WIPF3: variants seen among roughly 807,000 people sequenced by gnomAD.
WIPF3 encodes the protein WAS/WASL-interacting protein family member 3.
WIPF3 carries 33 observed loss-of-function variants against 38.9 expected under a neutral mutation model. That is an observed-to-expected ratio of 0.85 (90% confidence interval 0.64 to 1.14). The LOEUF (loss-of-function observed/expected upper bound fraction) is 1.14. Among genes scored for constraint, WIPF3 ranks in the 50% most tolerant of loss-of-function variants. The pLI, the probability that WIPF3 is intolerant of heterozygous loss-of-function variation, is 0.00. For missense variants in WIPF3, 711 were observed against 652.5 expected (o/e 1.09, Z -0.98); for synonymous variants, 324 against 269.3 (o/e 1.20, Z -1.99).
rs945400373 is a variant in WIPF3, at chr7:29,879,039, G to T, written c.254G>T (p.Gly85Val). Residue 85 changes from glycine (G) to valine (V), a missense_variant, in exon 4 of 9, where the codon GGT (glycine) becomes GTT (valine). Transcript: ENST00000242140. ...AAAGGAACCAACAAAGAAGGAGGAG[G>T]TTCTGCAAACACACGAGGCGCGAGC... ...SSKGTNKEGG[G>V]SANTRGASTP... The T allele has an allele frequency of 3.7e-6, 6 of 1,603,300 alleles. No individual in the cohort carries two copies. Among genetic ancestry groups the T allele is most frequent in the Admixed American group, 1.7e-5 (1 of 58,652 alleles).
chr7:29,914,449 A>G, intron 8 of WIPF3, 44 bp from the exon 9 acceptor site: 1 of 1,448,642 alleles, frequency 6.9e-7, no homozygotes, highest in Non-Finnish European at 9.2e-7. Flanking sequence ...CATGTGCAAG[A>G]GTCTTCTAAC....
At chr7:29,890,354 C>CAAAAAA (rs753546656) in intron 7 of WIPF3, among the ~76,000 whole-genome samples, 1 of 50,666 alleles carries the variant, frequency 2.0e-5, no homozygotes, top group African/African-American at 6.4e-5. Flanking sequence ...TCTGTATCCA[C>CAAAAAA]AAAAAAAAAA....
chr7:29,831,497 A>T (rs1472311145), intron 1 of WIPF3, among the ~76,000 whole-genome samples: 1 of 152,274 alleles, frequency 6.6e-6, no homozygotes, highest in Non-Finnish European at 1.5e-5. Context: ...AAAAGTAATC[A>T]TCACGCTCTG....
At chr7:29,882,242 A>G (rs747610235) in intron 4 of WIPF3, among the ~76,000 whole-genome samples, 6 of 152,332 alleles carry the variant, frequency 3.9e-5, no homozygotes, top group Middle Eastern at 3.4e-3. Flanking sequence ...ATTTAAGGGT[A>G]GGCTTTGCTC....
chr7:29,883,366 A>G (rs1451316721), intron 4 of WIPF3, among the ~76,000 whole-genome samples: 1 of 152,220 alleles, frequency 6.6e-6, no homozygotes, highest in Non-Finnish European at 1.5e-5. Flanking sequence ...CTCTCAACAC[A>G]GAAACAAAGA....
At chr7:29,846,633 G>A (rs1173930324) in intron 2 of WIPF3, among the ~76,000 whole-genome samples, 6 of 152,206 alleles carry the variant, frequency 3.9e-5, no homozygotes, top group Non-Finnish European at 7.3e-5. Context: ...CCTGGGAGGC[G>A]GAGGTTGCAG....
chr7:29,811,251 C>CTTT (rs1169987889), intron 1 of WIPF3, among the ~76,000 whole-genome samples: 12 of 86,770 alleles, frequency 1.4e-4, no homozygotes, highest in African/African-American at 4.9e-4. Flanking sequence ...GTCAATTAGC[C>CTTT]ATTATGATGA....
rs570919933 is a variant in WIPF3 at position 29,813,888 on chromosome 7, C to T, written c.-58+7210C>T. ...TATTTCTATAGATATTTGCTATAAACGGAATCTTACAATATGTGGCCTTTT... is the reference window on the plus strand; with the variant it reads ...TATTTCTATAGATATTTGCTATAAATGGAATCTTACAATATGTGGCCTTTT... On this transcript the variant is annotated intron_variant, in intron 1 of 8. Transcript: ENST00000242140. Among the ~76,000 whole-genome samples, 6 of 151,952 alleles carry T rather than the reference C, an allele frequency of 3.9e-5. No homozygotes were observed. The South Asian group carries it at 1.2e-3, about 32-fold the overall frequency.
At chr7:29,821,363 C>T (rs1033687031) in intron 1 of WIPF3, among the ~76,000 whole-genome samples, 17 of 152,102 alleles carry the variant, frequency 1.1e-4, no homozygotes, top group African/African-American at 3.4e-4. Flanking sequence ...GGTTTGATCA[C>T]GGCTTACTGC....
At chr7:29,811,776 A>T (rs1445668261) in intron 1 of WIPF3, among the ~76,000 whole-genome samples, 1 of 152,200 alleles carries the variant, frequency 6.6e-6, no homozygotes, top group African/African-American at 2.4e-5. Flanking sequence ...AGTTCCGGAG[A>T]CATAATCCCA....
rs1372233525 is a variant in WIPF3 at position 29,888,179 on chromosome 7, C to T, written c.1211C>T (p.Pro404Leu). ...ACAGCCTGGACCCCGACGCAGCAGC[C>T]TGGAGGTCAACTGCGAAATGGAAGC... ...QATAWTPTQQ[P>L]GGQLRNGSLH... The change falls in exon 6 of 9, where the codon CCT becomes CTT. Residue 404 changes from proline (P) to leucine (L), a missense_variant. Physicochemically the swap from Pro to Leu is moderately conservative, Grantham distance 98 (BLOSUM62 -3). Coordinates refer to ENST00000242140, the MANE Select transcript of WIPF3 (RefSeq NM_001080529.3). 1 of 1,612,810 alleles carries T rather than the reference C, an allele frequency of 6.2e-7. No individual in the cohort carries two copies. Among genetic ancestry groups the T allele is most frequent in the Admixed American group, 1.7e-5 (1 of 59,804 alleles).
At chr7:29,821,396 G>A (rs1302184036) in intron 1 of WIPF3, among the ~76,000 whole-genome samples, 4 of 152,074 alleles carry the variant, frequency 2.6e-5, no homozygotes, top group Admixed American at 1.3e-4. Context: ...CTAGCCTCAA[G>A]CAATCCTCCC....
intron 1 of WIPF3, among the ~76,000 whole-genome samples, chr7:29,830,721 G>A (rs1784705296): frequency 6.6e-6 from 1 of 152,092 alleles, no homozygotes; most frequent in Non-Finnish European, 1.5e-5. Flanking sequence ...AGTAGAAATT[G>A]CATACTTCTC....
At position 29,909,200 on chromosome 7, in the gene WIPF3, G is replaced by A. The variant is rs536312544; in HGVS notation, c.1428+4838G>A. ...AATTGTTACATTAAAAAACAAGAAA[G>A]TTATCAAATCAGCAACCTAATTTTA... is the stretch of plus-strand genomic sequence containing the variant. On this transcript the variant is annotated intron_variant, in intron 8 of 8. Transcript: ENST00000242140. Among the ~76,000 whole-genome samples, 4 of 151,854 alleles carry A rather than the reference G, an allele frequency of 2.6e-5. No individual in the cohort carries two copies. The South Asian group carries it at 8.3e-4, about 32-fold the overall frequency.
intron 1 of WIPF3, among the ~76,000 whole-genome samples, chr7:29,834,317 G>A (rs1784764944): frequency 6.6e-6 from 1 of 152,090 alleles, no homozygotes; most frequent in African/African-American, 2.4e-5. Flanking sequence ...AAAATTTAAT[G>A]CTAAAGAGGT....
intron 1 of WIPF3, among the ~76,000 whole-genome samples, chr7:29,826,116 C>T (rs1784611695): frequency 6.6e-6 from 1 of 152,218 alleles, no homozygotes; most frequent in African/African-American, 2.4e-5. Flanking sequence ...CAACTTCTGA[C>T]TCTATGGGAG....
Position 29,823,946 on chromosome 7 carries a change from T to C in WIPF3, c.-57-10722T>C, listed in dbSNP as rs1229133406. On this transcript the variant is annotated intron_variant, in intron 1 of 8. Transcript: ENST00000242140. This position sits in a 1 kb window ranked among gnomAD's most constrained non-coding sequence, Gnocchi z 4.0. ...TACAGCCTGCAGAACTGTGAGCCAA[T>C]TAAACCTCTTTTATTTATAAATTTC... is the stretch of plus-strand genomic sequence containing the variant. Among the ~76,000 whole-genome samples, 2 of 152,330 alleles carry C rather than the reference T, an allele frequency of 1.3e-5. No individual in the cohort carries two copies. Among genetic ancestry groups the C allele is most frequent in the Non-Finnish European group, 2.9e-5 (2 of 68,030 alleles).
In WIPF3 at chr7:29,914,510, T is replaced by A. The variant is rs1786567740; in HGVS notation, c.1446T>A (p.Leu482=). The A allele has an allele frequency of 1.3e-6, 2 of 1,521,024 alleles. No homozygotes were observed. Among genetic ancestry groups the A allele is most frequent in the Non-Finnish European group, 1.8e-6 (2 of 1,132,328 alleles). 94.2% of individuals were successfully genotyped at this position (1,521,024 alleles called of 1,614,324 possible). Residue 482 remains leucine (L), a synonymous_variant, in exon 9 of 9, where the codon CTT becomes CTA. Coordinates refer to ENST00000242140, the MANE Select transcript of WIPF3 (RefSeq NM_001080529.3). ...TTCCACAGTTATCTCTAAAGACTCT[T>A]CGGTGAGAAGACAGATGAAGCGAAG... ...GRNSQLSLKT[L]R
chr7:29,826,550 CTTA>C (rs1487612952), intron 1 of WIPF3, among the ~76,000 whole-genome samples: 1 of 152,018 alleles, frequency 6.6e-6, no homozygotes, highest in Admixed American at 6.6e-5. Context: ...TGTGTTTATT[CTTA>C]TTATTACTTT....
Sources: gnomAD v4.1 joint callset for allele counts (sites outside exome capture counted in the v4.1 genomes callset) on GRCh38, gnomAD v4.1.1 for gene constraint, Gnocchi (gnomAD v3.1) non-coding constraint, MANE v1.5 for transcripts, NCBI Gene and HGNC (gene_info 2026-07-23, HGNC 2026-07-21) for gene names.